C16orf74: variants seen among roughly 807,000 people sequenced by gnomAD.
C16orf74 encodes the protein calcimembrin.
C16orf74 carries 10 observed loss-of-function variants against 6.5 expected under a neutral mutation model. The observed-to-expected ratio is 1.54, with a 90% CI of 0.95 to 2.61. The LOEUF (loss-of-function observed/expected upper bound fraction) is 2.61, where lower values mean the gene tolerates loss of function less well. Among genes scored for constraint, C16orf74 ranks in the 30% most tolerant of loss-of-function variants. The pLI is 0.00. For synonymous variants in C16orf74, 60 were observed against 42.5 expected (o/e 1.41, Z -1.60); for missense variants, 141 against 105.9 (o/e 1.33, Z -1.45).
intron 2 of C16orf74, among the ~76,000 whole-genome samples, chr16:85,717,547 A>G (rs2054037311): frequency 6.6e-6 from 1 of 152,014 alleles, no homozygotes; most frequent in Non-Finnish European, 1.5e-5. Context: ...GTGTGGGGAG[A>G]AATGACCCTC....
intron 1 of C16orf74, chr16:85,743,534 C>A (rs961752856): frequency 6.6e-6 from 1 of 152,232 alleles, no homozygotes; most frequent in Non-Finnish European, 1.5e-5. Context: ...AAGCCCACAT[C>A]ACTGCACTGG....
At chr16:85,734,343 T>C (rs1409079136) in intron 2 of C16orf74, among the ~76,000 whole-genome samples, 3 of 152,134 alleles carry the variant, frequency 2.0e-5, no homozygotes, top group African/African-American at 7.2e-5. Context: ...CACAGAGGCA[T>C]TGGTGAGGCC....
intron 1 of C16orf74, chr16:85,744,087 T>C (rs1301596213): frequency 2.0e-5 from 3 of 149,038 alleles, no homozygotes; most frequent in African/African-American, 7.4e-5. Context: ...TAGCCGGGCA[T>C]GGTGGTGCAT....
chr16:85,731,521 G>A (rs553373483), intron 2 of C16orf74, among the ~76,000 whole-genome samples: 5 of 152,178 alleles, frequency 3.3e-5, no homozygotes, highest in Admixed American at 6.5e-5. Context: ...GAGGGCCTGG[G>A]TCCTGGCGGG....
intron 2 of C16orf74, among the ~76,000 whole-genome samples, chr16:85,729,856 G>C (rs886620287): frequency 6.6e-6 from 1 of 152,178 alleles, no homozygotes; most frequent in East Asian, 1.9e-4. Flanking sequence ...GCTGAGGAGG[G>C]AGGGCGGCCC....
chr16:85,743,764 C>T (rs1197493978), intron 1 of C16orf74: 2 of 152,002 alleles, frequency 1.3e-5, no homozygotes, highest in Non-Finnish European at 2.9e-5. Flanking sequence ...ACTAAAAATA[C>T]AAAATTGGGC....
In C16orf74 at chr16:85,710,243, C is replaced by T. The variant is rs754975130; in HGVS notation, c.93G>A (p.Lys31=). The T allele has an allele frequency of 1.3e-6, 2 of 1,500,202 alleles. No individual in the cohort carries two copies. The highest frequency in any genetic ancestry group is 1.8e-6 in the Non-Finnish European group (2 of 1,136,406). 92.9% of individuals were successfully genotyped at this position (1,500,202 alleles called of 1,614,324 possible). A position where few individuals can be genotyped will look rare whatever the true frequency, so the allele number is the denominator to read the frequency against. The change falls in exon 3 of 4, where the codon AAG becomes AAA. Residue 31 remains lysine, a synonymous_variant. Coordinates refer to ENST00000284245, the MANE Select transcript of C16orf74 (RefSeq NM_206967.3). ...TGATGATGTCGGGCACGTCCAGGTG[C>T]TTGTCGTTCAGGACGGGGGCCTCGT... ...SHDEAPVLND[K]HLDVPDIIIT...
chr16:85,733,553 G>C (rs955799621), intron 2 of C16orf74, among the ~76,000 whole-genome samples: 1 of 152,124 alleles, frequency 6.6e-6, no homozygotes, highest in African/African-American at 2.4e-5. Context: ...AAGTTTATGT[G>C]ATATATATTA....
intron 1 of C16orf74, among the ~76,000 whole-genome samples, chr16:85,738,915 T>C (rs1820473978): frequency 6.6e-6 from 1 of 152,178 alleles, no homozygotes; most frequent in South Asian, 2.1e-4. Flanking sequence ...GAGAAATTAG[T>C]TAACTTGCCT....
rs752435247 is a variant in C16orf74 at position 85,734,811 on chromosome 16, G to T, written c.28+379C>A. Among the ~76,000 whole-genome samples the T allele has an allele frequency of 4.6e-5, 7 of 152,266 alleles. No individual in the cohort carries two copies. The South Asian group carries it at 1.2e-3, about 27-fold the overall frequency. ...CTTCTCTCCTACCACCTGGACGCTG[G>T]ACCTCCTGTCTGGGTGATAACAGGC... On this transcript the variant is annotated intron_variant, in intron 2 of 3. Transcript: ENST00000284245.
chr16:85,743,195 G>C (rs968162442), intron 1 of C16orf74: 3 of 152,208 alleles, frequency 2.0e-5, no homozygotes, highest in African/African-American at 4.8e-5. Context: ...TGAAATGTCT[G>C]AGAAGGAGGA....
At chr16:85,738,625 C>T (rs2054270483) in intron 1 of C16orf74, among the ~76,000 whole-genome samples, 2 of 152,086 alleles carry the variant, frequency 1.3e-5, no homozygotes, top group Non-Finnish European at 1.5e-5. Context: ...GCCACCGCGC[C>T]GGGCCCGGCA....
intron 2 of C16orf74, among the ~76,000 whole-genome samples, chr16:85,712,652 C>T (rs2053981620): frequency 6.6e-6 from 1 of 152,222 alleles, no homozygotes; most frequent in South Asian, 2.1e-4. Flanking sequence ...GCTGCAGGCT[C>T]AGAAAAACTG....
At chr16:85,717,453 T>C (rs2054036437) in intron 2 of C16orf74, among the ~76,000 whole-genome samples, 1 of 152,208 alleles carries the variant, frequency 6.6e-6, no homozygotes, top group South Asian at 2.1e-4. Context: ...GGCTTTACTC[T>C]TGCAGCCTCA....
chr16:85,735,609 G>C (rs2054235670), intron 1 of C16orf74, among the ~76,000 whole-genome samples: 1 of 152,136 alleles, frequency 6.6e-6, no homozygotes, highest in Non-Finnish European at 1.5e-5. Context: ...CGCAGCTGCA[G>C]AGATGTGAAG....
chr16:85,732,017 G>C (rs1419695682), intron 2 of C16orf74, among the ~76,000 whole-genome samples: 1 of 152,222 alleles, frequency 6.6e-6, no homozygotes, highest in African/African-American at 2.4e-5. Flanking sequence ...TAAGGATCTT[G>C]GGATGACATT....
chr16:85,715,622 G>C (rs968145101), intron 2 of C16orf74, among the ~76,000 whole-genome samples: 1 of 152,228 alleles, frequency 6.6e-6, no homozygotes, highest in Non-Finnish European at 1.5e-5. Context: ...GAAAGCAGCC[G>C]TAGACAACGT....
At chr16:85,718,429 G>A (rs2054046550) in intron 2 of C16orf74, among the ~76,000 whole-genome samples, 1 of 152,124 alleles carries the variant, frequency 6.6e-6, no homozygotes, top group African/African-American at 2.4e-5. Context: ...GCCCTGAATG[G>A]GACCACGCCC....
At chr16:85,727,709 G>T (rs2054148003) in intron 2 of C16orf74, among the ~76,000 whole-genome samples, 1 of 152,094 alleles carries the variant, frequency 6.6e-6, no homozygotes, top group Non-Finnish European at 1.5e-5. Flanking sequence ...AGCTACTTGG[G>T]AGGCTGAGGT....
Sources: gnomAD v4.1 joint callset for allele counts (sites outside exome capture counted in the v4.1 genomes callset) on GRCh38, gnomAD v4.1.1 for gene constraint, MANE v1.5 for transcripts, NCBI Gene and HGNC (gene_info 2026-07-23, HGNC 2026-07-21) for gene names.